EYS: variants seen among roughly 807,000 people sequenced by gnomAD.
The protein encoded by EYS is EGF-like photoreceptor maintenance factor, also known as protein eyes shut homolog.
A neutral mutation model predicts 282.1 loss-of-function variants in EYS; 250 were observed. The ratio of observed to expected loss-of-function variants is 0.89; its 90% CI spans 0.80 to 0.98. EYS has a LOEUF of 0.98. EYS is among the 50% of genes least tolerant of loss of function. The pLI, the probability that EYS is intolerant of heterozygous loss-of-function variation, is 0.00. For synonymous variants in EYS, 1,355 were observed against 1,282.9 expected, an observed-to-expected ratio of 1.06 and a Z score of -1.20; for missense variants, 4,016 against 3,709.0, an observed-to-expected ratio of 1.08 and a Z score of -2.15.
intron 22 of EYS, among the ~76,000 whole-genome samples, chr6:64,784,581 T>C (rs1214223686): frequency 2.0e-5 from 3 of 152,170 alleles, no homozygotes; most frequent in Admixed American, 6.5e-5. Context: ...TGGCACATCA[T>C]AAACCTCAAT....
At chr6:64,511,095 A>G (rs1777377374) in intron 26 of EYS, among the ~76,000 whole-genome samples, 1 of 144,576 alleles carries the variant, frequency 6.9e-6, no homozygotes, top group South Asian at 2.2e-4. Context: ...ATAGTAGGCA[A>G]AGATTTCTTT....
intron 22 of EYS, among the ~76,000 whole-genome samples, chr6:64,800,157 C>G (rs1346207390): frequency 6.6e-6 from 1 of 151,944 alleles, no homozygotes; most frequent in African/African-American, 2.4e-5. Flanking sequence ...ATAAATTGGC[C>G]TACAAAAGGT....
chr6:65,603,951 T>C (rs560584620), intron 2 of EYS, among the ~76,000 whole-genome samples: 3 of 152,064 alleles, frequency 2.0e-5, no homozygotes, highest in Non-Finnish European at 1.5e-5. Context: ...TTTATCTTTG[T>C]TCATGTTTTA....
chr6:64,296,584 ACATATATATATATATTTT>A (rs1769022481), intron 30 of EYS, among the ~76,000 whole-genome samples: 1 of 3,548 alleles, frequency 2.8e-4, no homozygotes, highest in African/African-American at 1.5e-3. Context: ...ATATATATAT[ACATATATATATATATTTT>A]TTTTTTTTTT....
intron 2 of EYS, among the ~76,000 whole-genome samples, chr6:65,556,386 T>TG (rs1768799684): frequency 9.0e-6 from 1 of 111,294 alleles, no homozygotes; most frequent in African/African-American, 5.3e-5. Context: ...GACTGCTGGG[T>TG]TTGTGTGTGT....
At chr6:65,664,129 C>A (rs2149827839) in intron 1 of EYS, among the ~76,000 whole-genome samples, 1 of 152,230 alleles carries the variant, frequency 6.6e-6, no homozygotes, top group Middle Eastern at 3.4e-3. Flanking sequence ...CTCGGCCTCC[C>A]AAAGTGCCGG....
At chr6:65,122,210 C>G (rs1775575897) in intron 12 of EYS, among the ~76,000 whole-genome samples, 1 of 152,030 alleles carries the variant, frequency 6.6e-6, no homozygotes, top group Non-Finnish European at 1.5e-5. Flanking sequence ...AACATATGCA[C>G]AGAAATGAAT....
At chr6:64,706,366 A>T (rs1247716700) in intron 22 of EYS, among the ~76,000 whole-genome samples, 5 of 77,890 alleles carry the variant, frequency 6.4e-5, no homozygotes, top group Non-Finnish European at 1.8e-4. Context: ...ATTCTAGAAG[A>T]TGACATCAGA....
rs767010541 is a variant in EYS at position 63,897,425 on chromosome 6, G to T, written c.7056-33067C>A. On this transcript the variant is annotated intron_variant, in intron 35 of 42. Coordinates refer to ENST00000503581, the MANE Select transcript of EYS (RefSeq NM_001142800.2). ...AGGATCCTTGTAAGGGAGAGACAGA[G>T]AGATTACCCAGACTGAAGAAGAGAT... Among the ~76,000 whole-genome samples the T allele has an allele frequency of 9.9e-5, 15 of 152,258 alleles. No homozygotes were observed. The South Asian group carries it at 1.7e-3, about 17-fold the overall frequency.
At chr6:64,555,937 T>C (rs1005803919) in intron 26 of EYS, among the ~76,000 whole-genome samples, 6 of 151,688 alleles carry the variant, frequency 4.0e-5, no homozygotes, top group Non-Finnish European at 8.9e-5. Context: ...AAAATAATAC[T>C]GAAAACACCA....
chr6:64,308,235 CCTT>C (rs1769533245), intron 29 of EYS, among the ~76,000 whole-genome samples: 2 of 152,044 alleles, frequency 1.3e-5, no homozygotes, highest in South Asian at 4.2e-4. Context: ...AGCCTGTCCT[CCTT>C]AGGAATAAGT....
At chr6:65,506,533 C>T (rs1766666495) in intron 2 of EYS, among the ~76,000 whole-genome samples, 1 of 123,346 alleles carries the variant, frequency 8.1e-6, no homozygotes, top group African/African-American at 3.2e-5. Context: ...GGCTAAAGTG[C>T]AATAGTTTGG....
intron 33 of EYS, among the ~76,000 whole-genome samples, chr6:64,031,511 C>T (rs1013846633): frequency 1.7e-4 from 26 of 152,244 alleles, no homozygotes; most frequent in Admixed American, 3.3e-4. Flanking sequence ...GGAGTGCAGG[C>T]GCAGGGCGCA....
At chr6:64,337,041 A>G (rs753036900) in intron 29 of EYS, among the ~76,000 whole-genome samples, 23 of 152,240 alleles carry the variant, frequency 1.5e-4, no homozygotes, top group Non-Finnish European at 2.8e-4. Context: ...GCACAAACTG[A>G]CATTCTAAGG....
At chr6:64,827,273 T>G (rs1201541196) in intron 19 of EYS, among the ~76,000 whole-genome samples, 2 of 151,856 alleles carry the variant, frequency 1.3e-5, no homozygotes, top group African/African-American at 4.8e-5. Context: ...TTATTTGAGG[T>G]CTTACAAAAT....
chr6:64,439,162 CT>C lies in EYS; in HGVS notation c.5834del (p.Lys1945SerfsTer42), dbSNP rs774455587. On this transcript the variant is annotated frameshift_variant and splice_region_variant, in exon 27 of 43. Transcript: ENST00000503581. LOFTEE classifies it high-confidence loss of function. ...AAATTAAATGAACTGAATAACTTACCTTTAAAGTACCATTTTCAATAAACAA... is the reference window on the plus strand; with the variant it reads ...AAATTAAATGAACTGAATAACTTACCTTAAAGTACCATTTTCAATAAACAA... The part of the protein sequence containing the change: ...IQLFIENGTL[K>X]YHFYCPGEAK... 24 of 1,407,974 alleles carry C rather than the reference CT, an allele frequency of 1.7e-5. No homozygotes were observed. In the African/African-American group the frequency reaches 2.8e-4, roughly 17 times the overall value. 87.2% of individuals were successfully genotyped at this position (1,407,974 alleles called of 1,614,324 possible).
chr6:65,099,882 A>G lies in EYS; in HGVS notation c.2024-42155T>C, dbSNP rs546764399. Among the ~76,000 whole-genome samples the G allele has an allele frequency of 3.3e-5, 5 of 150,968 alleles. No homozygotes were observed. In the East Asian group the frequency reaches 9.7e-4, roughly 29 times the overall value. On this transcript the variant is annotated intron_variant, in intron 12 of 42. Transcript: ENST00000503581. Reference sequence around the variant, plus strand: ...AAGACAAGAGATGATATAGGTTTCAAGAACAAAACTGGAACAAATTGATCA... The same window carrying G: ...AAGACAAGAGATGATATAGGTTTCAGGAACAAAACTGGAACAAATTGATCA...
chr6:65,494,816 T>A lies in EYS; in HGVS notation c.595A>T (p.Ser199Cys), dbSNP rs1312139735. 6.2e-7 allele frequency: 1 copy of A among 1,614,130 alleles called. No homozygotes were observed. The highest frequency in any genetic ancestry group is 1.3e-5 in the African/African-American group (1 of 75,058). Reference protein sequence around the residue: ...CLSEAWSKTYSCHCQPPFSGK... With the variant: ...CLSEAWSKTYCCHCQPPFSGK... ...GAAAATGGAGGCTGGCAATGGCAGC[T>A]ATATGTCTTGCTCCAAGCTTCACTA... The change falls in exon 4 of 43, where the codon AGC (serine) becomes TGC (cysteine). Residue 199 changes from serine (S) to cysteine (C), a missense_variant. Physicochemically the swap from Ser to Cys is moderately radical, Grantham distance 112. Coordinates refer to ENST00000503581, the MANE Select transcript of EYS (RefSeq NM_001142800.2).
intron 5 of EYS, among the ~76,000 whole-genome samples, chr6:65,465,946 T>C (rs1764982443): frequency 6.6e-6 from 1 of 151,574 alleles, no homozygotes; most frequent in Non-Finnish European, 1.5e-5. Context: ...CCCCACAGCC[T>C]GGATGAAGAG....
Sources: gnomAD v4.1 joint callset for allele counts (sites outside exome capture counted in the v4.1 genomes callset) on GRCh38, gnomAD v4.1.1 for gene constraint, MANE v1.5 for transcripts, NCBI Gene and HGNC (gene_info 2026-07-23, HGNC 2026-07-21) for gene names.